USP34: variants seen among roughly 807,000 people sequenced by gnomAD.
USP34 encodes ubiquitin specific peptidase 34.
In USP34, 70 loss-of-function variants were observed where a neutral mutation model predicts 460.3. The ratio of observed to expected loss-of-function variants is 0.15; its 90% CI spans 0.13 to 0.19. USP34 has a LOEUF of 0.19. Ranked by LOEUF, USP34 falls within the 10% of genes least tolerant of loss-of-function variation. The pLI is 1.00. For missense variants in USP34, 3,985 were observed against 4,236.2 expected, an observed-to-expected ratio of 0.94 and a Z score of 1.65; for synonymous variants, 1,647 against 1,405.3, an observed-to-expected ratio of 1.17 and a Z score of -3.85.
intron 1 of USP34, among the ~76,000 whole-genome samples, chr2:61,429,636 A>C (rs1443449088): frequency 6.6e-6 from 1 of 152,184 alleles, no homozygotes; most frequent in Non-Finnish European, 1.5e-5. Flanking sequence ...AAGTTATCAT[A>C]TATATGCCAA....
rs1689768047 is a variant in USP34, at chr2:61,288,886, G to A, written c.4549-9C>T. The A allele has an allele frequency of 1.9e-6, 3 of 1,610,900 alleles. No homozygotes were observed. Among genetic ancestry groups the A allele is most frequent in the African/African-American group, 1.3e-5 (1 of 75,016 alleles). On this transcript the variant is annotated splice_polypyrimidine_tract_variant and intron_variant, in intron 33 of 79. Coordinates refer to ENST00000398571, the MANE Select transcript of USP34 (RefSeq NM_014709.4). Reference sequence around the variant, plus strand: ...AGACAGTCTAGCTGCCACTGTAAATGAGAAGAAATAGTCAATTCCCTATTT... The same window carrying A: ...AGACAGTCTAGCTGCCACTGTAAATAAGAAGAAATAGTCAATTCCCTATTT...
chr2:61,300,632 C>A (rs1470002628), intron 29 of USP34, among the ~76,000 whole-genome samples: 2 of 151,368 alleles, frequency 1.3e-5, no homozygotes, highest in African/African-American at 2.4e-5. Flanking sequence ...CCCATCTCTA[C>A]TAGAAATGCA....
chr2:61,263,173 ATTT>A (rs36015748), intron 43 of USP34, among the ~76,000 whole-genome samples: 52 of 97,764 alleles, frequency 5.3e-4, no homozygotes, highest in African/African-American at 2.0e-3. Context: ...CACACATGGA[ATTT>A]TTTTTTTTTT....
intron 20 of USP34, among the ~76,000 whole-genome samples, chr2:61,325,711 T>C (rs908613961): frequency 3.9e-5 from 6 of 151,980 alleles, no homozygotes; most frequent in African/African-American, 7.3e-5. Context: ...ACACAAAAAT[T>C]CAACAGTGAA....
chr2:61,196,402 T>G (rs1433858210), intron 75 of USP34, among the ~76,000 whole-genome samples: 2 of 151,958 alleles, frequency 1.3e-5, no homozygotes, highest in African/African-American at 4.8e-5. Context: ...TTTCTGTATT[T>G]TTTGTAGAGA....
At chr2:61,221,084 C>A (rs756664278) in intron 66 of USP34, among the ~76,000 whole-genome samples, 4 of 152,158 alleles carry the variant, frequency 2.6e-5, no homozygotes, top group Non-Finnish European at 5.9e-5. Context: ...CTCTCTGACC[C>A]TTTTGGGAGA....
At chr2:61,239,558 T>C (rs753004617) in intron 53 of USP34, among the ~76,000 whole-genome samples, 2 of 152,208 alleles carry the variant, frequency 1.3e-5, no homozygotes, top group South Asian at 2.1e-4. Context: ...GTTATGATGA[T>C]GATTGAGATA....
chr2:61,187,504 GCAAT>G lies in USP34; in HGVS notation c.*594_*597del, dbSNP rs16348. On this transcript the variant is annotated 3_prime_UTR_variant, in exon 80 of 80. Coordinates refer to ENST00000398571, the MANE Select transcript of USP34 (RefSeq NM_014709.4). ...TCAGTTTAATTAAGTGCACAGAATA[GCAAT>G]CAATCAATCAGTCATGTCAATAAAA... 0.76 allele frequency: 745,209 copies of G among 979,732 alleles called. 284,841 individuals are homozygous for G. The highest frequency in any genetic ancestry group is 0.83 in the African/African-American group (47,103 of 57,052). The allele number at this position is 979,732 out of a possible 1,614,324, so 60.7% of individuals were successfully genotyped here.
chr2:61,220,944 C>T (rs1049048407), intron 66 of USP34, among the ~76,000 whole-genome samples: 21 of 142,856 alleles, frequency 1.5e-4, no homozygotes, highest in Non-Finnish European at 4.5e-5. Context: ...TGTGGCTGCC[C>T]GTTTTTGTTG....
intron 29 of USP34, 76 bp downstream of exon 29, chr2:61,300,875 C>A: frequency 7.6e-6 from 7 of 922,044 alleles, no homozygotes; most frequent in South Asian, 3.8e-5. Flanking sequence ...GTTTTATAAA[C>A]TATACTTTTA....
chr2:61,470,323 G>T (rs1316850833), intron 1 of USP34, among the ~76,000 whole-genome samples: 1 of 152,120 alleles, frequency 6.6e-6, no homozygotes, highest in Non-Finnish European at 1.5e-5. Flanking sequence ...CCGGCAGGGC[G>T]AAGGAGGCGA....
intron 25 of USP34, 78 bp from the exon 26 acceptor site, chr2:61,311,988 T>TAC: frequency 6.5e-7 from 1 of 1,530,544 alleles, no homozygotes; most frequent in Non-Finnish European, 8.8e-7. Context: ...TTTATCATCT[T>TAC]ACAGACTGGA....
chr2:61,358,732 CAGG>C (rs1305986482), intron 10 of USP34, among the ~76,000 whole-genome samples: 4 of 152,118 alleles, frequency 2.6e-5, no homozygotes, highest in South Asian at 2.1e-4. Flanking sequence ...AAAGAATCCA[CAGG>C]AGAACTACTA....
chr2:61,266,866 C>T (rs1689063838), intron 41 of USP34, among the ~76,000 whole-genome samples: 2 of 152,140 alleles, frequency 1.3e-5, no homozygotes, highest in African/African-American at 4.8e-5. Context: ...TAAACAGCTC[C>T]CTACATTGAT....
chr2:61,275,951 T>C (rs1405024086), intron 41 of USP34, among the ~76,000 whole-genome samples: 1 of 152,112 alleles, frequency 6.6e-6, no homozygotes, highest in Non-Finnish European at 1.5e-5. Flanking sequence ...AATAAGACTT[T>C]GGAAAAAATA....
At chr2:61,419,586 G>A (rs565962084) in intron 2 of USP34, among the ~76,000 whole-genome samples, 1 of 152,226 alleles carries the variant, frequency 6.6e-6, no homozygotes, top group South Asian at 2.1e-4. Flanking sequence ...AACTAGTGAT[G>A]AGATTTTAGG....
intron 42 of USP34, 56 bp from the exon 43 acceptor site, chr2:61,265,613 G>T: frequency 6.5e-7 from 1 of 1,531,236 alleles, no homozygotes; most frequent in Non-Finnish European, 8.8e-7. Flanking sequence ...GAAACACAAT[G>T]TATTTTGCTT....
chr2:61,367,310 GCA>G (rs1170647479), intron 10 of USP34, among the ~76,000 whole-genome samples: 26 of 150,948 alleles, frequency 1.7e-4, no homozygotes, highest in South Asian at 4.2e-4. Context: ...GAGTGCGCGC[GCA>G]CACACACACG....
intron 2 of USP34, among the ~76,000 whole-genome samples, chr2:61,413,804 C>A (rs1291386829): frequency 7.0e-6 from 1 of 143,014 alleles, no homozygotes; most frequent in Non-Finnish European, 1.5e-5. Context: ...ATGGGGAAAC[C>A]CCGTCTCTAC....
Sources: allele counts gnomAD v4.1 joint callset (sites outside exome capture counted in the v4.1 genomes callset), GRCh38; gene constraint gnomAD v4.1.1; transcripts MANE v1.5; gene names NCBI Gene and HGNC (gene_info 2026-07-23, HGNC 2026-07-21).